The following CLSPN variants were observed in gnomAD, a reference collection of about 807,000 sequenced individuals.
CLSPN encodes the protein claspin.
CLSPN carries 85 observed loss-of-function variants against 156.3 expected under a neutral mutation model. The observed-to-expected ratio is 0.54, with a 90% CI of 0.46 to 0.65. CLSPN has a LOEUF of 0.65. Among genes scored for constraint, CLSPN ranks in the 30% least tolerant of loss-of-function variants. The pLI is 0.00. For synonymous variants in CLSPN, 534 were observed against 542.4 expected (o/e 0.98, Z 0.22); for missense variants, 1,407 against 1,554.9 (o/e 0.90, Z 1.60).
rs1459277251 is a variant in CLSPN, at chr1:35,762,472, G to GTTC, written c.751_753dup (p.Glu251dup). ...GAATGGACCCCACTCTCCAAAGATGGTTCTTTTTTCTAAAAGAAATGGCAG... is the reference window on the plus strand; with the variant it reads ...GAATGGACCCCACTCTCCAAAGATGGTTCTTCTTTTTTCTAAAAGAAATGGCAG... On this transcript the variant is annotated inframe_insertion, in exon 5 of 25. Coordinates refer to ENST00000318121, the MANE Select transcript of CLSPN (RefSeq NM_022111.4). 6.2e-7 allele frequency: 1 copy of GTTC among 1,613,368 alleles called. No homozygotes were observed. The highest frequency in any genetic ancestry group is 1.3e-5 in the African/African-American group (1 of 74,846).
chr1:35,738,463 G>A lies in CLSPN; in HGVS notation c.3550C>T (p.Arg1184Trp), dbSNP rs769765436. ...KERIEREQWL[R>W]DMAQQGKITA... The stretch of plus-strand genomic sequence containing the variant: ...AGTAGGTGAACTCCTACCATGTCCC[G>A]AAGCCACTGCTCTCGTTCAATTCGC... The change falls in exon 21 of 25, where the codon CGG (arginine) becomes TGG (tryptophan). Residue 1184 changes from arginine (R) to tryptophan (W), a missense_variant. This residue lies in a region of CLSPN where 241 missense variants were observed against 240.5 expected (regional missense o/e 1.00). Transcript: ENST00000318121. 23 of 1,613,598 alleles carry A rather than the reference G, an allele frequency of 1.4e-5. No individual in the cohort carries two copies. The highest frequency in any genetic ancestry group is 5.0e-5 in the Admixed American group (3 of 59,948).
rs1641336922 is a variant in CLSPN at position 35,732,282 on chromosome 1, T to C, written c.*4214A>G. The stretch of plus-strand genomic sequence containing the variant: ...TCCCAGAAATACTCTCCTCTATCCT[T>C]AGGAGCACAAATCCCAGGACAGGAT... On this transcript the variant is annotated 3_prime_UTR_variant, in exon 25 of 25. Transcript: ENST00000318121. 3 of 985,218 alleles carry C rather than the reference T, an allele frequency of 3.0e-6. No homozygotes were observed. The highest frequency in any genetic ancestry group is 6.2e-5 in the Admixed American group (1 of 16,240). The allele number at this position is 985,218 out of a possible 1,614,324, so 61.0% of individuals were successfully genotyped here.
chr1:35,743,699 C>T (rs757784206), intron 16 of CLSPN, 169 bp from the exon 17 acceptor site: 1 of 591,168 alleles, frequency 1.7e-6, no homozygotes. Context: ...TCTCAGCTCA[C>T]TGTAACCTCC....
Position 35,769,895 on chromosome 1 carries a change from C to G in CLSPN, c.-25G>C. On this transcript the variant is annotated 5_prime_UTR_variant, in exon 1 of 25. Coordinates refer to ENST00000318121, the MANE Select transcript of CLSPN (RefSeq NM_022111.4). Reference sequence around the variant, plus strand: ...TGACTTCTGCCTCCCCTGCGCTCCACTAGGGACGGAGCTGTCTCTGATTCC... The same window carrying G: ...TGACTTCTGCCTCCCCTGCGCTCCAGTAGGGACGGAGCTGTCTCTGATTCC... The G allele has an allele frequency of 6.2e-7, 1 of 1,609,122 alleles. No homozygotes were observed.
intron 6 of CLSPN, 69 bp downstream of exon 6, chr1:35,761,929 C>T (rs1571220167): frequency 3.9e-6 from 4 of 1,033,626 alleles, no homozygotes; most frequent in Non-Finnish European, 4.5e-6. Flanking sequence ...AATAAAAGTC[C>T]CCAACATCCA....
chr1:35,750,317 G>A (rs1280067329), intron 10 of CLSPN, among the ~76,000 whole-genome samples: 3 of 151,148 alleles, frequency 2.0e-5, no homozygotes, highest in Admixed American at 6.6e-5. Context: ...TCAACATAGT[G>A]AGACCCTCAT....
intron 16 of CLSPN, among the ~76,000 whole-genome samples, chr1:35,745,120 T>G (rs1173468871): frequency 6.6e-6 from 1 of 152,184 alleles, no homozygotes; most frequent in Non-Finnish European, 1.5e-5. Flanking sequence ...AGCTGCACTA[T>G]TTTACATTCT....
chr1:35,755,833 C>T (rs1642255732), intron 8 of CLSPN, among the ~76,000 whole-genome samples: 3 of 152,168 alleles, frequency 2.0e-5, no homozygotes, highest in Admixed American at 1.3e-4. Context: ...CTCACCCTCC[C>T]AAGTAGCTAG....
chr1:35,749,786 T>C lies in CLSPN; in HGVS notation c.2054A>G (p.Glu685Gly), dbSNP rs758357510. The change falls in exon 11 of 25, where the codon GAA becomes GGA. Residue 685 changes from glutamate to glycine, a missense_variant. Physicochemically the swap from Glu to Gly is moderately conservative, Grantham distance 98. Around this residue, in one of 3 missense-constraint regions of CLSPN, gnomAD observed 1,096 missense variants for 1,193.0 expected, o/e 0.92. Transcript: ENST00000318121. Reference sequence around the variant, plus strand: ...TTTTTCATCTTTTGTTTCTATTTCTTCACTACTAAGAAGGAATTCTGCAGT... The same window carrying C: ...TTTTTCATCTTTTGTTTCTATTTCTCCACTACTAAGAAGGAATTCTGCAGT... The part of the protein sequence containing the change: ...QETAEFLLSS[E>G]EIETKDEKEM... 1.3e-5 allele frequency: 21 copies of C among 1,613,920 alleles called. No individual in the cohort carries two copies. The South Asian group carries it at 2.3e-4, about 18-fold the overall frequency.
chr1:35,761,369 T>C (rs1215648416), intron 6 of CLSPN, among the ~76,000 whole-genome samples, 165 bp from the exon 7 acceptor site: 1 of 152,196 alleles, frequency 6.6e-6, no homozygotes, highest in Non-Finnish European at 1.5e-5. Context: ...TGAAGACCAG[T>C]GGCTTTTAAA....
At chr1:35,747,186 G>A (rs1273295726) in intron 14 of CLSPN, among the ~76,000 whole-genome samples, 194 bp from the exon 15 acceptor site, 1 of 152,164 alleles carries the variant, frequency 6.6e-6, no homozygotes, top group Non-Finnish European at 1.5e-5. Context: ...GCCGGGCGTG[G>A]TGGTGGGCGC....
intron 4 of CLSPN, among the ~76,000 whole-genome samples, 164 bp from the exon 5 acceptor site, chr1:35,762,645 A>C (rs1449986943): frequency 6.6e-6 from 1 of 150,572 alleles, no homozygotes; most frequent in Admixed American, 6.6e-5. Flanking sequence ...TATGCTTAGA[A>C]AACAGATACC....
chr1:35,764,564 C>G lies in CLSPN; in HGVS notation c.284G>C (p.Gly95Ala). The G allele has an allele frequency of 6.2e-7, 1 of 1,613,862 alleles. No homozygotes were observed. The highest frequency in any genetic ancestry group is 8.5e-7 in the Non-Finnish European group (1 of 1,179,980). The change falls in exon 3 of 25, where the codon GGG becomes GCG. Residue 95 changes from glycine (G) to alanine (A), a missense_variant. Around this residue, in one of 3 missense-constraint regions of CLSPN, gnomAD observed 1,096 missense variants for 1,193.0 expected, o/e 0.92. Transcript: ENST00000318121. ...AATCCTTTTGATTTTTGTATTTTTC[C>G]CAGCATATAAATTCTCTTTATTTTC... is the stretch of plus-strand genomic sequence containing the variant. ...EEENKENLYA[G>A]KNTKIKRIYK...
chr1:35,737,979 A>T lies in CLSPN; in HGVS notation c.3664+13T>A, dbSNP rs1218854507. On this transcript the variant is annotated intron_variant, in intron 22 of 24. Transcript: ENST00000318121. ...TCCAGGGGGCTAGACCCTAAGGAGA[A>T]ACAAGAGCTCACCATTCTTCTGCAG... is the stretch of plus-strand genomic sequence containing the variant. The T allele has an allele frequency of 1.4e-6, 2 of 1,419,402 alleles. No homozygotes were observed. The highest frequency in any genetic ancestry group is 1.9e-6 in the Non-Finnish European group (2 of 1,059,864). 87.9% of individuals were successfully genotyped at this position (1,419,402 alleles called of 1,614,324 possible). A position where few individuals can be genotyped will look rare whatever the true frequency, so the allele number is the denominator to read the frequency against.
At chr1:35,729,075 T>A (rs190285843), downstream of CLSPN, among the ~76,000 whole-genome samples, 72 of 152,214 alleles carry the variant, frequency 4.7e-4, no homozygotes, top group African/African-American at 1.6e-3. Context: ...AAATAACCTG[T>A]CTTTTTGATA....
In CLSPN at chr1:35,765,341, T is replaced by A; in HGVS notation, c.25-15A>T. The A allele has an allele frequency of 6.4e-7, 1 of 1,555,120 alleles. No individual in the cohort carries two copies. The highest frequency in any genetic ancestry group is 8.9e-7 in the Non-Finnish European group (1 of 1,128,046). Reference sequence around the variant, plus strand: ...TCTAGGTGAACCTAGAAAATGACAATATACTTTATATCAACCAGCAGGTGA... The same window carrying A: ...TCTAGGTGAACCTAGAAAATGACAAAATACTTTATATCAACCAGCAGGTGA... On this transcript the variant is annotated splice_polypyrimidine_tract_variant and intron_variant, in intron 1 of 24. Coordinates refer to ENST00000318121, the MANE Select transcript of CLSPN (RefSeq NM_022111.4).
chr1:35,729,986 C>T (rs1374183022), downstream of CLSPN, among the ~76,000 whole-genome samples: 1 of 152,198 alleles, frequency 6.6e-6, no homozygotes, highest in Non-Finnish European at 1.5e-5. Flanking sequence ...TAAAGCTCTA[C>T]ACCTCTATTC....
chr1:35,769,968 G>C lies in CLSPN; in HGVS notation c.-98C>G. 6.9e-7 allele frequency: 1 copy of C among 1,452,936 alleles called. No individual in the cohort carries two copies. The highest frequency in any genetic ancestry group is 1.8e-5 in the Admixed American group (1 of 55,154). The allele number at this position is 1,452,936 out of a possible 1,614,324, so 90.0% of individuals were successfully genotyped here. ...CCGCCGTCTCCAGCCCAGCAGTGCT[G>C]TTCTTGCTTTCCCGCCCAGCCAGAG... On this transcript the variant is annotated 5_prime_UTR_variant, in exon 1 of 25. Transcript: ENST00000318121.
downstream of CLSPN, among the ~76,000 whole-genome samples, chr1:35,728,822 G>A (rs907933444): frequency 4.6e-5 from 7 of 151,794 alleles, no homozygotes; most frequent in Non-Finnish European, 1.0e-4. Flanking sequence ...TAATCATAAA[G>A]AACTTGAAGG....
Sources: allele counts gnomAD v4.1 joint callset (sites outside exome capture counted in the v4.1 genomes callset), GRCh38; gene constraint gnomAD v4.1.1; regional missense constraint gnomAD v4.1.1; transcripts MANE v1.5; gene names NCBI Gene and HGNC (gene_info 2026-07-23, HGNC 2026-07-21).